The following MROH7 variants were observed in gnomAD, a reference collection of about 807,000 sequenced individuals.
The protein encoded by MROH7 is maestro heat like repeat family member 7, also known as maestro heat-like repeat-containing protein family member 7.
A neutral mutation model predicts 129.2 loss-of-function variants in MROH7; 113 were observed. The ratio of observed to expected loss-of-function variants is 0.87; its 90% CI spans 0.75 to 1.02. MROH7 has a LOEUF of 1.02. Among genes scored for constraint, MROH7 ranks in the 50% least tolerant of loss-of-function variants. The pLI, the probability that MROH7 is intolerant of heterozygous loss-of-function variation, is 0.00. For synonymous variants in MROH7, 655 were observed against 667.9 expected, an observed-to-expected ratio of 0.98 and a Z score of 0.30; for missense variants, 1,601 against 1,671.3, an observed-to-expected ratio of 0.96 and a Z score of 0.73.
intron 3 of MROH7, among the ~76,000 whole-genome samples, chr1:54,664,869 G>A (rs1169268545): frequency 3.3e-5 from 5 of 152,124 alleles, no homozygotes; most frequent in Non-Finnish European, 5.9e-5. Context: ...AAAATTAGAC[G>A]GGTGTGATGG....
At chr1:54,702,947 T>A (rs2101225741) in intron 21 of MROH7, among the ~76,000 whole-genome samples, 1 of 152,258 alleles carries the variant, frequency 6.6e-6, no homozygotes, top group African/African-American at 2.4e-5. Flanking sequence ...CCTGCATACC[T>A]CCCACGATGA....
At chr1:54,682,826 GCCTGT>G in intron 14 of MROH7, 32 bp downstream of exon 14, 1 of 1,599,542 alleles carries the variant, frequency 6.3e-7, no homozygotes. Flanking sequence ...CCCTATTGCT[GCCTGT>G]CCTGCCCTTC....
intron 10 of MROH7, among the ~76,000 whole-genome samples, chr1:54,677,274 CTA>C (rs1324651438): frequency 6.6e-6 from 1 of 152,208 alleles, no homozygotes; most frequent in East Asian, 1.9e-4. Context: ...TGGCGCATGC[CTA>C]TAGTCCCCAC....
intron 22 of MROH7, 88 bp from the exon 23 acceptor site, chr1:54,708,926 C>T: frequency 1.9e-6 from 2 of 1,061,154 alleles, no homozygotes; most frequent in African/African-American, 1.6e-5. Flanking sequence ...ATGGGAAAAG[C>T]ATCTCTGAGG....
At position 54,653,545 on chromosome 1, in the gene MROH7, A is replaced by C. The variant is rs1441587855; in HGVS notation, c.619A>C (p.Asn207His). 6.2e-7 allele frequency: 1 copy of C among 1,613,996 alleles called. No individual in the cohort carries two copies. Among genetic ancestry groups the C allele is most frequent in the Admixed American group, 1.7e-5 (1 of 59,990 alleles). ...AAAAGCACTCCTTATTCCAACCTCA[A>C]ACTCTTCTCTGGACCTTGACTCCAA... ...SSKALLIPTS[N>H]SSLDLDSNPL... is the part of the protein sequence containing the mutation. The change falls in exon 3 of 24, where the codon AAC (asparagine) becomes CAC (histidine). Residue 207 changes from asparagine to histidine, a missense_variant. Coordinates refer to ENST00000421030, the MANE Select transcript of MROH7 (RefSeq NM_001039464.4).
intron 19 of MROH7, 36 bp from the exon 20 acceptor site, chr1:54,702,054 A>G (rs1397002934): frequency 6.6e-7 from 1 of 1,517,070 alleles, no homozygotes; most frequent in Admixed American, 1.9e-5. Context: ...GGCGTCCCAG[A>G]GGAGGGACCC....
chr1:54,687,236 G>C (rs566470355), intron 15 of MROH7, among the ~76,000 whole-genome samples: 3 of 152,210 alleles, frequency 2.0e-5, no homozygotes, highest in Non-Finnish European at 4.4e-5. Context: ...ACCATGCCCA[G>C]CTAATTGTTT....
At chr1:54,644,747 G>A (rs949922873) in intron 1 of MROH7, among the ~76,000 whole-genome samples, 2 of 149,994 alleles carry the variant, frequency 1.3e-5, no homozygotes, top group African/African-American at 2.4e-5. Context: ...AGTGATCCTC[G>A]GCCTCCCAAA....
At chr1:54,702,023 T>C (rs1257724947) in intron 19 of MROH7, 67 bp from the exon 20 acceptor site, 74 of 1,372,660 alleles carry the variant, frequency 5.4e-5, no homozygotes, top group Non-Finnish European at 6.9e-5. Context: ...GAACAATGGC[T>C]CTGAATCAGC....
rs768350090 is a variant in MROH7, at chr1:54,710,207, C to A, written c.*20C>A. On this transcript the variant is annotated 3_prime_UTR_variant, in exon 24 of 24. Transcript: ENST00000421030. ...AAGTGACGTCCCTGAGCCCCAAACCCTCCTCAGGGTGGTTGAGTTCCAGCC... is the reference window on the plus strand; with the variant it reads ...AAGTGACGTCCCTGAGCCCCAAACCATCCTCAGGGTGGTTGAGTTCCAGCC... The A allele has an allele frequency of 1.2e-6, 2 of 1,605,506 alleles. No homozygotes were observed. The highest frequency in any genetic ancestry group is 2.2e-5 in the South Asian group (2 of 91,024).
chr1:54,705,052 C>A (rs1645510645), intron 21 of MROH7, among the ~76,000 whole-genome samples: 1 of 152,136 alleles, frequency 6.6e-6, no homozygotes, highest in Non-Finnish European at 1.5e-5. Flanking sequence ...GCCGCCTCAG[C>A]CTCCCAAAAT....
chr1:54,676,229 C>G (rs541222840), intron 10 of MROH7, among the ~76,000 whole-genome samples: 98 of 152,158 alleles, frequency 6.4e-4, no homozygotes, highest in African/African-American at 2.3e-3. Flanking sequence ...CAGGCAAGAA[C>G]CATACTCTTA....
chr1:54,668,364 T>C (rs919877175), intron 4 of MROH7, among the ~76,000 whole-genome samples: 1 of 152,260 alleles, frequency 6.6e-6, no homozygotes, highest in Admixed American at 6.5e-5. Context: ...TTCTTTACTA[T>C]ATGAAATTAG....
intron 4 of MROH7, among the ~76,000 whole-genome samples, chr1:54,668,499 TTGTA>T (rs538119455): frequency 6.6e-6 from 1 of 152,188 alleles, no homozygotes; most frequent in South Asian, 2.1e-4. Flanking sequence ...TCAATCTGAC[TTGTA>T]TGTACTGGGA....
At chr1:54,646,883 G>A (rs1471157670) in intron 1 of MROH7, among the ~76,000 whole-genome samples, 4 of 152,108 alleles carry the variant, frequency 2.6e-5, no homozygotes, top group Admixed American at 6.5e-5. Flanking sequence ...TTATATAAAG[G>A]GAGTCGTATA....
chr1:54,697,597 A>G (rs1645343936), intron 17 of MROH7: 2 of 686,834 alleles, frequency 2.9e-6, no homozygotes, highest in Admixed American at 2.0e-5. Flanking sequence ...CAGGCCTACT[A>G]TGTGCCAAAC....
intron 12 of MROH7, among the ~76,000 whole-genome samples, 177 bp downstream of exon 12, chr1:54,679,616 G>T (rs1470803956): frequency 2.6e-5 from 4 of 152,196 alleles, no homozygotes; most frequent in Non-Finnish European, 5.9e-5. Flanking sequence ...CACCTTGAAG[G>T]TTTTCTCTTA....
Position 54,686,241 on chromosome 1 carries a change from TC to T in MROH7, c.2521-13del. The T allele has an allele frequency of 6.3e-7, 1 of 1,598,840 alleles. No individual in the cohort carries two copies. On this transcript the variant is annotated splice_polypyrimidine_tract_variant and intron_variant, in intron 14 of 23. Coordinates refer to ENST00000421030, the MANE Select transcript of MROH7 (RefSeq NM_001039464.4). ...GATGGGCCACGACATCCCAGCAGCC[TC>T]CCCTCTGCCCCATAGGCAGCCAGCG...
chr1:54,668,937 G>GGGCCGGGC lies in MROH7; in HGVS notation c.1389+1_1389+2insGCCGGGCG. On this transcript the variant is annotated frameshift_variant and splice_region_variant. Coordinates refer to ENST00000421030, the MANE Select transcript of MROH7 (RefSeq NM_001039464.4). LOFTEE classifies it high-confidence loss of function. ...AGAAGACCATGATAAAGAAGATTAT[G>GGGCCGGGC]GTGGGGGAGCCACAGGCGGGTCTGT... is the stretch of plus-strand genomic sequence containing the variant. 1.9e-6 allele frequency: 3 copies of GGGCCGGGC among 1,612,120 alleles called. No individual in the cohort carries two copies. The highest frequency in any genetic ancestry group is 2.5e-6 in the Non-Finnish European group (3 of 1,178,258).
Sources: allele counts gnomAD v4.1 joint callset (sites outside exome capture counted in the v4.1 genomes callset), GRCh38; gene constraint gnomAD v4.1.1; transcripts MANE v1.5; gene names NCBI Gene and HGNC (gene_info 2026-07-23, HGNC 2026-07-21).